IPCEF1: variants seen among roughly 807,000 people sequenced by gnomAD.
The protein encoded by IPCEF1 is interaction protein for cytohesin exchange factors 1, also known as interactor protein for cytohesin exchange factors 1.
In IPCEF1, 31 loss-of-function variants were observed where a neutral mutation model predicts 50.9. The observed-to-expected ratio is 0.61, with a 90% CI of 0.46 to 0.82. The LOEUF is 0.82. IPCEF1 is among the 40% of genes least tolerant of loss of function. The probability of loss-of-function intolerance (pLI) is 0.00; values close to 1 mark genes in which losing one functional copy is unlikely to be tolerated. For synonymous variants in IPCEF1, 181 were observed against 192.0 expected (o/e 0.94, Z 0.47); for missense variants, 458 against 514.0 (o/e 0.89, Z 1.05).
intron 1 of IPCEF1, among the ~76,000 whole-genome samples, chr6:154,345,117 G>A (rs573882600): frequency 5.9e-5 from 9 of 152,312 alleles, no homozygotes; most frequent in Middle Eastern, 3.4e-3. Context: ...TGATCCACCC[G>A]CCTTGGCCTC....
intron 10 of IPCEF1, among the ~76,000 whole-genome samples, chr6:154,183,830 C>T (rs1351013888): frequency 2.0e-5 from 3 of 151,998 alleles, no homozygotes; most frequent in Non-Finnish European, 2.9e-5. Context: ...GCAGAGGTTA[C>T]AGTGAACCGA....
intron 5 of IPCEF1, among the ~76,000 whole-genome samples, chr6:154,239,375 C>T (rs116414731): frequency 8.1e-4 from 124 of 152,268 alleles, no homozygotes; most frequent in African/African-American, 2.9e-3. Flanking sequence ...ACATTATAGA[C>T]AATAAATAAA....
In IPCEF1 at chr6:154,263,197, A is replaced by G. The variant is rs6926706; in HGVS notation, c.36+2715T>C. On this transcript the variant is annotated intron_variant, in intron 3 of 11. Transcript: ENST00000367220. ...TGTCCATTTGCATTAAATCTTGACC[A>G]CAGGACTCCCTTTTAGCATCCTGTA... 6.9e-3 allele frequency among the ~76,000 whole-genome samples: 1,039 copies of G among 150,222 alleles called. 10 individuals are homozygous for G. Among genetic ancestry groups the G allele is most frequent in the African/African-American group, 0.024 (992 of 40,888 alleles).
chr6:154,207,821 G>T (rs1452859715), intron 9 of IPCEF1, among the ~76,000 whole-genome samples: 1 of 151,982 alleles, frequency 6.6e-6, no homozygotes, highest in Non-Finnish European at 1.5e-5. Context: ...GAGGATTGTT[G>T]TGTTGAAATA....
intron 3 of IPCEF1, among the ~76,000 whole-genome samples, chr6:154,252,296 G>A (rs1374536165): frequency 6.6e-6 from 1 of 152,200 alleles, no homozygotes; most frequent in African/African-American, 2.4e-5. Flanking sequence ...AGAGGCAGGA[G>A]AGAAGGTTGT....
chr6:154,308,578 C>A (rs1159447103), intron 1 of IPCEF1, among the ~76,000 whole-genome samples: 1 of 152,168 alleles, frequency 6.6e-6, no homozygotes, highest in Non-Finnish European at 1.5e-5. Flanking sequence ...TTCAGACATC[C>A]TGAGAATAAA....
At chr6:154,273,301 A>T (rs1781944015) in intron 2 of IPCEF1, among the ~76,000 whole-genome samples, 1 of 152,222 alleles carries the variant, frequency 6.6e-6, no homozygotes, top group African/African-American at 2.4e-5. Context: ...AAACAAAAAA[A>T]TGCTTGTTAT....
chr6:154,246,739 C>T lies in IPCEF1; in HGVS notation c.98G>A (p.Arg33Lys). Residue 33 changes from arginine (R) to lysine (K), a missense_variant, in exon 5 of 12, where the codon AGG becomes AAG. Transcript: ENST00000367220. Reference sequence around the variant, plus strand: ...GCCCAGATCTTTACACGATATCCTCCTCCGACTCATCGTGAGAAAACCTGC... The same window carrying T: ...GCCCAGATCTTTACACGATATCCTCTTCCGACTCATCGTGAGAAAACCTGC... ...KTQGFLTMSRRRISCKDLGHA... is the reference protein window; with the variant it reads ...KTQGFLTMSRKRISCKDLGHA... 1 of 1,613,996 alleles carries T rather than the reference C, an allele frequency of 6.2e-7. No individual in the cohort carries two copies. The highest frequency in any genetic ancestry group is 8.5e-7 in the Non-Finnish European group (1 of 1,179,940).
chr6:154,288,541 T>C (rs1782423503), intron 2 of IPCEF1, among the ~76,000 whole-genome samples: 1 of 151,870 alleles, frequency 6.6e-6, no homozygotes, highest in Non-Finnish European at 1.5e-5. Context: ...CAGGCGCTTG[T>C]AGTCCGAGCT....
intron 1 of IPCEF1, among the ~76,000 whole-genome samples, chr6:154,295,911 GCACACA>G (rs58745478): frequency 0.045 from 6,832 of 150,212 alleles, 329 homozygotes; most frequent in Admixed American, 0.15. Context: ...ACACACACAC[GCACACA>G]CACACACACA....
rs1799624039 is a variant in IPCEF1 at position 154,168,616 on chromosome 6, T to C, written c.911-503A>G. 6.6e-6 allele frequency among the ~76,000 whole-genome samples: 1 copy of C among 151,964 alleles called. No homozygotes were observed. The highest frequency in any genetic ancestry group is 6.6e-5 in the Admixed American group (1 of 15,254). On this transcript the variant is annotated intron_variant, in intron 10 of 11. Coordinates refer to ENST00000367220, the MANE Select transcript of IPCEF1 (RefSeq NM_001130700.2). The surrounding 1 kb of genome is among the most constrained non-coding windows in gnomAD (Gnocchi z 4.1). ...ATTAATTAATTAATTTTATTATTAT[T>C]TTTTTTGAGACGGAGTTTTACTGCT...
intron 5 of IPCEF1, among the ~76,000 whole-genome samples, chr6:154,232,667 A>G (rs1328227050): frequency 6.6e-6 from 1 of 152,194 alleles, no homozygotes; most frequent in African/African-American, 2.4e-5. Flanking sequence ...ATGGCACAGA[A>G]AAAAACAACC....
At chr6:154,287,963 T>C (rs1782404044) in intron 2 of IPCEF1, among the ~76,000 whole-genome samples, 1 of 152,224 alleles carries the variant, frequency 6.6e-6, no homozygotes, top group South Asian at 2.1e-4. Flanking sequence ...AATGCAGACA[T>C]CTTACTGCCT....
At chr6:154,250,657 G>A (rs369469249) in intron 3 of IPCEF1, among the ~76,000 whole-genome samples, 18 of 152,302 alleles carry the variant, frequency 1.2e-4, no homozygotes, top group Middle Eastern at 3.4e-3. Context: ...CCCAGGTTAC[G>A]GGTAACTGTT....
chr6:154,174,017 T>C (rs914520396), intron 10 of IPCEF1, among the ~76,000 whole-genome samples: 1 of 152,174 alleles, frequency 6.6e-6, no homozygotes, highest in Non-Finnish European at 1.5e-5. Context: ...GGGCCAATAT[T>C]CAACATTCTT....
intron 11 of IPCEF1, among the ~76,000 whole-genome samples, chr6:154,164,789 A>AT (rs1312638510): frequency 6.6e-6 from 1 of 152,234 alleles, no homozygotes; most frequent in Non-Finnish European, 1.5e-5. Context: ...CATTCCATTA[A>AT]TAACTTATTT....
intron 10 of IPCEF1, among the ~76,000 whole-genome samples, chr6:154,196,511 G>A (rs577193548): frequency 9.2e-5 from 14 of 152,086 alleles, no homozygotes; most frequent in South Asian, 6.2e-4. Context: ...TTGGGTATTC[G>A]TCTTATTTGC....
intron 2 of IPCEF1, among the ~76,000 whole-genome samples, chr6:154,274,738 G>A (rs764851009): frequency 1.3e-5 from 2 of 152,124 alleles, no homozygotes; most frequent in Non-Finnish European, 1.5e-5. Flanking sequence ...GAGACCAGCC[G>A]TGGGCCACAC....
rs555654264 is a variant in IPCEF1 at position 154,157,577 on chromosome 6, A to G, written c.*2251T>C. The G allele has an allele frequency of 4.6e-5, 7 of 152,352 alleles. No homozygotes were observed. The South Asian group carries it at 1.4e-3, about 32-fold the overall frequency. The allele number at this position is 152,352 out of a possible 1,614,324, so 9.4% of individuals were successfully genotyped here. A position where few individuals can be genotyped will look rare whatever the true frequency, so the allele number is the denominator to read the frequency against. ...AGTTTACAGTTGAAAGGCTGGGGAAATATGTCTTCACGAAAAGCCAAAGGA... is the reference window on the plus strand; with the variant it reads ...AGTTTACAGTTGAAAGGCTGGGGAAGTATGTCTTCACGAAAAGCCAAAGGA... On this transcript the variant is annotated 3_prime_UTR_variant, in exon 12 of 12. Transcript: ENST00000367220.
Sources: allele counts gnomAD v4.1 joint callset (sites outside exome capture counted in the v4.1 genomes callset), GRCh38; gene constraint gnomAD v4.1.1; non-coding constraint Gnocchi (gnomAD v3.1); transcripts MANE v1.5; gene names NCBI Gene and HGNC (gene_info 2026-07-23, HGNC 2026-07-21).